The following BABAM2 variants were observed in gnomAD, a reference collection of about 807,000 sequenced individuals.
BABAM2 encodes BRISC and BRCA1-A complex member 2.
In BABAM2, 31 loss-of-function variants were observed where a neutral mutation model predicts 54.7. The ratio of observed to expected loss-of-function variants is 0.57; its 90% CI spans 0.43 to 0.77. BABAM2 has a LOEUF of 0.77. Among genes scored for constraint, BABAM2 ranks in the 30% least tolerant of loss-of-function variants. BABAM2 has a pLI of 0.00. For missense variants in BABAM2, 364 were observed against 455.8 expected (o/e 0.80, Z 1.83); for synonymous variants, 167 against 162.9 (o/e 1.03, Z -0.19).
chr2:28,123,399 G>A (rs1443692151), intron 6 of BABAM2, among the ~76,000 whole-genome samples: 8 of 152,056 alleles, frequency 5.3e-5, no homozygotes, highest in Non-Finnish European at 1.0e-4. Flanking sequence ...TATCAGATTC[G>A]GTATCTTTCC....
chr2:28,062,561 CA>C lies in BABAM2; in HGVS notation c.570+16774del, dbSNP rs1273524201. On this transcript the variant is annotated intron_variant, in intron 6 of 11. Coordinates refer to ENST00000379624, the MANE Select transcript of BABAM2 (RefSeq NM_199191.3). The stretch of plus-strand genomic sequence containing the variant: ...CTGGTAACAGAGCAAGACTCCATCT[CA>C]AAAAAAAAAAACCAAAAAAAAAAAA... Among the ~76,000 whole-genome samples the C allele has an allele frequency of 1.1e-3, 75 of 68,860 alleles. No homozygotes were observed. The East Asian group carries it at 0.017, about 15-fold the overall frequency. The allele number at this position is 68,860 out of a possible 152,430, so 45.2% of individuals were successfully genotyped here. A position where few individuals can be genotyped will look rare whatever the true frequency, so the allele number is the denominator to read the frequency against.
intron 3 of BABAM2, among the ~76,000 whole-genome samples, chr2:27,985,003 G>C (rs1307393833): frequency 6.6e-6 from 1 of 151,044 alleles, no homozygotes; most frequent in African/African-American, 2.4e-5. Flanking sequence ...TTCCATCCAG[G>C]TTGCTGCAAA....
At chr2:28,248,211 T>TTC (rs1553349514) in intron 10 of BABAM2, among the ~76,000 whole-genome samples, 8 of 120,052 alleles carry the variant, frequency 6.7e-5, no homozygotes, top group East Asian at 2.3e-4. Flanking sequence ...CTTTTTCTTT[T>TTC]TTTTTTTTTT....
chr2:27,958,377 A>G (rs1305602311), intron 3 of BABAM2, among the ~76,000 whole-genome samples: 2 of 151,892 alleles, frequency 1.3e-5, no homozygotes, highest in African/African-American at 2.4e-5. Context: ...ATGGGTGAAT[A>G]TTGAGGAGAA....
chr2:28,302,911 G>C lies in BABAM2; in HGVS notation c.1088+4420G>C, dbSNP rs563100156. 1.3e-3 allele frequency among the ~76,000 whole-genome samples: 205 copies of C among 152,028 alleles called. 2 individuals are homozygous for C. The highest frequency in any genetic ancestry group is 4.7e-3 in the African/African-American group (194 of 41,466). ...TCAAATCTTGCCTATTTTTAATTTGGTTGTTAGTCTTTTTATTAATGAGTT... is the reference window on the plus strand; with the variant it reads ...TCAAATCTTGCCTATTTTTAATTTGCTTGTTAGTCTTTTTATTAATGAGTT... On this transcript the variant is annotated intron_variant, in intron 11 of 11. Coordinates refer to ENST00000379624, the MANE Select transcript of BABAM2 (RefSeq NM_199191.3).
chr2:27,981,443 T>A (rs1671994985), intron 3 of BABAM2, among the ~76,000 whole-genome samples: 1 of 152,168 alleles, frequency 6.6e-6, no homozygotes, highest in South Asian at 2.1e-4. Context: ...TGTACAACCA[T>A]CACTAATTTC....
At position 28,147,678 on chromosome 2, in the gene BABAM2, T is replaced by A. The variant is rs192217734; in HGVS notation, c.680+18298T>A. Reference sequence around the variant, plus strand: ...TTAATAGAGACGGGGTTTCACTGTGTTAGCCAGGATGGTCTCGATCTCCTG... The same window carrying A: ...TTAATAGAGACGGGGTTTCACTGTGATAGCCAGGATGGTCTCGATCTCCTG... On this transcript the variant is annotated intron_variant, in intron 7 of 11. Transcript: ENST00000379624. Among the ~76,000 whole-genome samples the A allele has an allele frequency of 3.8e-3, 572 of 152,252 alleles. 10 individuals are homozygous for A. The highest frequency in any genetic ancestry group is 0.03 in the Admixed American group (458 of 15,296).
rs138823246 is a variant in BABAM2 at position 27,978,786 on chromosome 2, T to C, written c.206-9207T>C. On this transcript the variant is annotated intron_variant, in intron 3 of 11. Transcript: ENST00000379624. ...ATTGGTAGGTTTTTGACCATCACCC[T>C]CCTCTCACCCTCCACCCTCAAGTAG... is the stretch of plus-strand genomic sequence containing the variant. Among the ~76,000 whole-genome samples the C allele has an allele frequency of 3.1e-3, 479 of 152,240 alleles. 1 individual carries two copies. Among genetic ancestry groups the C allele is most frequent in the African/African-American group, 0.01 (419 of 41,558 alleles).
At position 28,194,644 on chromosome 2, in the gene BABAM2, C is replaced by T. The variant is rs576401067; in HGVS notation, c.681-42558C>T. Among the ~76,000 whole-genome samples, 21 of 140,218 alleles carry T rather than the reference C, an allele frequency of 1.5e-4. No individual in the cohort carries two copies. In the East Asian group the frequency reaches 3.2e-3, roughly 22 times the overall value. The allele number at this position is 140,218 out of a possible 152,430, so 92.0% of individuals were successfully genotyped here. ...GTACCCAGGCTGGAGTACGGTGGCACGATCTCGGCTCATTGCAACCTCCGC... is the reference window on the plus strand; with the variant it reads ...GTACCCAGGCTGGAGTACGGTGGCATGATCTCGGCTCATTGCAACCTCCGC... On this transcript the variant is annotated intron_variant, in intron 7 of 11. Coordinates refer to ENST00000379624, the MANE Select transcript of BABAM2 (RefSeq NM_199191.3).
chr2:28,338,874 A>T lies in BABAM2; in HGVS notation c.*361A>T. The T allele has an allele frequency of 4.1e-6, 1 of 244,680 alleles. No homozygotes were observed. Among genetic ancestry groups the T allele is most frequent in the East Asian group, 1.1e-4 (1 of 9,224 alleles). 15.2% of individuals were successfully genotyped at this position (244,680 alleles called of 1,614,324 possible). A position where few individuals can be genotyped will look rare whatever the true frequency, so the allele number is the denominator to read the frequency against. ...TGAGACCTCTTAAGTTCTAAGATTA[A>T]ATGCCCCTCGCTGTTCTTCCTCTGA... On this transcript the variant is annotated 3_prime_UTR_variant, in exon 12 of 12. Transcript: ENST00000379624.
chr2:28,293,560 A>G (rs1362077877), intron 10 of BABAM2, among the ~76,000 whole-genome samples: 1 of 152,228 alleles, frequency 6.6e-6, no homozygotes, highest in Non-Finnish European at 1.5e-5. Flanking sequence ...CCATCACTGC[A>G]GTGACTGTCC....
intron 10 of BABAM2, among the ~76,000 whole-genome samples, chr2:28,290,595 C>T (rs1340763111): frequency 2.0e-5 from 3 of 152,174 alleles, no homozygotes; most frequent in Non-Finnish European, 4.4e-5. Context: ...GTACTAAGTG[C>T]TAGAAATACT....
chr2:27,893,081 A>C (rs182241581), intron 1 of BABAM2, among the ~76,000 whole-genome samples: 47 of 152,302 alleles, frequency 3.1e-4, no homozygotes, highest in Admixed American at 9.8e-4. Context: ...ATGTGGTATA[A>C]TGTATGAAAA....
chr2:28,078,660 G>GTATA (rs1158712462), intron 6 of BABAM2, among the ~76,000 whole-genome samples: 3 of 152,116 alleles, frequency 2.0e-5, no homozygotes, highest in Non-Finnish European at 4.4e-5. Context: ...TTAGAGTGGG[G>GTATA]TATAGGTTTG....
chr2:28,327,539 T>G, intron 11 of BABAM2: 1 of 1,397,014 alleles, frequency 7.2e-7, no homozygotes, highest in South Asian at 1.5e-5. Flanking sequence ...CAGTTGTTGT[T>G]GAAGTCCTCC....
chr2:27,927,660 T>G (rs1382862719), intron 2 of BABAM2, among the ~76,000 whole-genome samples: 1 of 152,138 alleles, frequency 6.6e-6, no homozygotes, highest in African/African-American at 2.4e-5. Context: ...TTTTTTATAT[T>G]GAAAGGAAAA....
In BABAM2 at chr2:27,995,442, C is replaced by T. The variant is rs919413094; in HGVS notation, c.300+7355C>T. Among the ~76,000 whole-genome samples the T allele has an allele frequency of 1.5e-4, 23 of 152,178 alleles. 1 individual carries two copies. Among genetic ancestry groups the T allele is most frequent in the African/African-American group, 5.3e-4 (22 of 41,508 alleles). ...AAAAATGTTTACAGGGTCTGGCCCC[C>T]GCTTCATAAACAGGGTAAAGCAGAA... On this transcript the variant is annotated intron_variant, in intron 4 of 11. Transcript: ENST00000379624. The surrounding 1 kb of genome is among the most constrained non-coding windows in gnomAD (Gnocchi z 4.1).
chr2:28,061,778 T>C (rs1054366276), intron 6 of BABAM2, among the ~76,000 whole-genome samples: 1 of 152,002 alleles, frequency 6.6e-6, no homozygotes. Flanking sequence ...CAATAACTTT[T>C]TTTTTTTAAA....
At chr2:28,134,806 T>A (rs1646755669) in intron 7 of BABAM2, among the ~76,000 whole-genome samples, 1 of 152,168 alleles carries the variant, frequency 6.6e-6, no homozygotes, top group South Asian at 2.1e-4. Flanking sequence ...GCTGTCAGCA[T>A]AAATGAAATG....
Sources: allele counts gnomAD v4.1 joint callset (sites outside exome capture counted in the v4.1 genomes callset), GRCh38; gene constraint gnomAD v4.1.1; non-coding constraint Gnocchi (gnomAD v3.1); transcripts MANE v1.5; gene names NCBI Gene and HGNC (gene_info 2026-07-23, HGNC 2026-07-21).